The following CERS6 variants were observed in gnomAD, a reference collection of about 807,000 sequenced individuals.
CERS6 encodes LAG1 homolog, ceramide synthase 6.
In CERS6, 26 loss-of-function variants were observed where a neutral mutation model predicts 56.8. The observed-to-expected ratio is 0.46, with a 90% CI of 0.34 to 0.63. The LOEUF is 0.63. Among genes scored for constraint, CERS6 ranks in the 30% least tolerant of loss-of-function variants. The probability of loss-of-function intolerance (pLI) is 0.01; values close to 1 mark genes in which losing one functional copy is unlikely to be tolerated. For missense variants in CERS6, 415 were observed against 467.5 expected (o/e 0.89, Z 1.04); for synonymous variants, 164 against 173.3 (o/e 0.95, Z 0.42).
At chr2:168,715,182 C>T (rs1687197722) in intron 7 of CERS6, 53 bp downstream of exon 7, 2 of 1,540,550 alleles carry the variant, frequency 1.3e-6, no homozygotes, top group South Asian at 2.4e-5. Flanking sequence ...TTAGGAAGTC[C>T]CCAATCTCAT....
intron 3 of CERS6, among the ~76,000 whole-genome samples, chr2:168,592,292 T>C (rs1448661974): frequency 1.3e-5 from 2 of 152,100 alleles, no homozygotes; most frequent in Non-Finnish European, 2.9e-5. Context: ...GGAAAGACTC[T>C]TCCAGCTGTG....
At chr2:168,657,798 C>T (rs1208981489) in intron 4 of CERS6, among the ~76,000 whole-genome samples, 1 of 152,236 alleles carries the variant, frequency 6.6e-6, no homozygotes, top group Admixed American at 6.5e-5. Flanking sequence ...CGCACGCAGC[C>T]CCGGTTCCCG....
intron 2 of CERS6, among the ~76,000 whole-genome samples, 157 bp downstream of exon 2, chr2:168,547,858 G>A (rs745319962): frequency 1.3e-5 from 2 of 152,166 alleles, no homozygotes; most frequent in Non-Finnish European, 2.9e-5. Context: ...TAGTAGAAGC[G>A]GAATGAAGAT....
chr2:168,484,683 G>A lies in CERS6; in HGVS notation c.170+28065G>A, dbSNP rs138738354. Among the ~76,000 whole-genome samples, 1,351 of 152,234 alleles carry A rather than the reference G, an allele frequency of 8.9e-3. 14 individuals are homozygous for A. Among genetic ancestry groups the A allele is most frequent in the Middle Eastern group, 0.017 (5 of 294 alleles). On this transcript the variant is annotated intron_variant, in intron 1 of 9. Transcript: ENST00000305747. ...AATTTATGCTCACTTGTGTTTTAAC[G>A]TAAGTATGTATGGGTTTTTTTCCCT...
At chr2:168,536,494 C>T (rs979109208) in intron 1 of CERS6, among the ~76,000 whole-genome samples, 1 of 152,118 alleles carries the variant, frequency 6.6e-6, no homozygotes, top group African/African-American at 2.4e-5. Flanking sequence ...ATATATTAAT[C>T]TGCTTCACTA....
At chr2:168,467,821 T>C (rs1322521755) in intron 1 of CERS6, among the ~76,000 whole-genome samples, 2 of 152,146 alleles carry the variant, frequency 1.3e-5, no homozygotes, top group Admixed American at 1.3e-4. Flanking sequence ...GCTTGAGAAA[T>C]ACTGTTCTGT....
intron 8 of CERS6, among the ~76,000 whole-genome samples, chr2:168,722,038 G>A (rs1683189713): frequency 6.6e-6 from 1 of 152,080 alleles, no homozygotes; most frequent in African/African-American, 2.4e-5. Flanking sequence ...ATTCATTTTA[G>A]TGAGTATTAA....
At chr2:168,755,165 G>A (rs1208181612) in intron 8 of CERS6, among the ~76,000 whole-genome samples, 1 of 152,226 alleles carries the variant, frequency 6.6e-6, no homozygotes, top group Non-Finnish European at 1.5e-5. Flanking sequence ...TCTGTCTTGT[G>A]ACCTTGGATA....
rs367897359 is a variant in CERS6, at chr2:168,561,722, G to A, written c.407+400G>A. ...TATTAGGATATATTATCAGAGGGTCGTGACAATCTTCTGTATTCCTGGAGA... is the reference window on the plus strand; with the variant it reads ...TATTAGGATATATTATCAGAGGGTCATGACAATCTTCTGTATTCCTGGAGA... On this transcript the variant is annotated intron_variant, in intron 3 of 9. Coordinates refer to ENST00000305747, the MANE Select transcript of CERS6 (RefSeq NM_203463.3). Among the ~76,000 whole-genome samples, 10 of 152,226 alleles carry A rather than the reference G, an allele frequency of 6.6e-5. No homozygotes were observed. The East Asian group carries it at 1.3e-3, about 21-fold the overall frequency.
chr2:168,461,509 A>G (rs1440289686), intron 1 of CERS6, among the ~76,000 whole-genome samples: 1 of 151,068 alleles, frequency 6.6e-6, no homozygotes, highest in African/African-American at 2.4e-5. Context: ...ATAGCTTCTC[A>G]TAGTTTCTGA....
chr2:168,698,436 G>A (rs1686722670), intron 6 of CERS6, among the ~76,000 whole-genome samples: 1 of 152,030 alleles, frequency 6.6e-6, no homozygotes. Flanking sequence ...GGAGAAGCAA[G>A]GCATGTCTTA....
At position 168,757,357 on chromosome 2, in the gene CERS6, G is replaced by GAAA. The variant is rs11332737; in HGVS notation, c.846-8220_846-8218dup. Among the ~76,000 whole-genome samples, 619 of 113,164 alleles carry GAAA rather than the reference G, an allele frequency of 5.5e-3. 4 individuals carry two copies. Among genetic ancestry groups the GAAA allele is most frequent in the Admixed American group, 8.6e-3 (93 of 10,840 alleles). The allele number at this position is 113,164 out of a possible 152,430, so 74.2% of individuals were successfully genotyped here. ...AATAGGGCAGCAACTACTTTTGGAGGAAAAAAAAAAAAAAAAACATCTGCC... is the reference window on the plus strand; with the variant it reads ...AATAGGGCAGCAACTACTTTTGGAGGAAAAAAAAAAAAAAAAAAAACATCTGCC... On this transcript the variant is annotated intron_variant, in intron 8 of 9. Coordinates refer to ENST00000305747, the MANE Select transcript of CERS6 (RefSeq NM_203463.3).
At chr2:168,716,900 A>C (rs1051575595) in intron 7 of CERS6, among the ~76,000 whole-genome samples, 1 of 152,152 alleles carries the variant, frequency 6.6e-6, no homozygotes. Flanking sequence ...TAATGTCAAC[A>C]ATCTTTTCAA....
In CERS6 at chr2:168,757,277, G is replaced by T. The variant is rs114798880; in HGVS notation, c.846-8315G>T. Among the ~76,000 whole-genome samples, 826 of 151,602 alleles carry T rather than the reference G, an allele frequency of 5.4e-3. 2 individuals carry two copies. Among genetic ancestry groups the T allele is most frequent in the Middle Eastern group, 0.017 (5 of 294 alleles). ...GGACTCAGATTGGGAGGTCAGGAGC[G>T]TAGGTAAGTAGACCAGGCAGTGGCA... On this transcript the variant is annotated intron_variant, in intron 8 of 9. Coordinates refer to ENST00000305747, the MANE Select transcript of CERS6 (RefSeq NM_203463.3).
chr2:168,517,710 A>G (rs909020710), intron 1 of CERS6, among the ~76,000 whole-genome samples: 1 of 152,050 alleles, frequency 6.6e-6, no homozygotes, highest in African/African-American at 2.4e-5. Context: ...ATCTTTTTTA[A>G]CTTAAAAATC....
chr2:168,599,299 G>A (rs1683877567), intron 3 of CERS6, among the ~76,000 whole-genome samples: 1 of 152,054 alleles, frequency 6.6e-6, no homozygotes. Flanking sequence ...TCCTTCCAGG[G>A]ACATCTAAAA....
chr2:168,619,996 G>T (rs562458190), intron 3 of CERS6, among the ~76,000 whole-genome samples: 3 of 130,938 alleles, frequency 2.3e-5, no homozygotes, highest in Admixed American at 1.6e-4. Context: ...TGGGCATTTG[G>T]GCTGGTTCCA....
intron 1 of CERS6, among the ~76,000 whole-genome samples, chr2:168,462,961 A>G (rs936329715): frequency 1.3e-5 from 2 of 152,234 alleles, no homozygotes; most frequent in Non-Finnish European, 2.9e-5. Context: ...ATTTTGAATG[A>G]CTGCCATTTT....
chr2:168,507,687 A>G (rs552743484), intron 1 of CERS6, among the ~76,000 whole-genome samples: 4 of 152,176 alleles, frequency 2.6e-5, no homozygotes, highest in East Asian at 3.9e-4. Context: ...TCCTTATCAA[A>G]TCTCTCTCCA....
Sources: allele counts gnomAD v4.1 joint callset (sites outside exome capture counted in the v4.1 genomes callset), GRCh38; gene constraint gnomAD v4.1.1; transcripts MANE v1.5; gene names NCBI Gene and HGNC (gene_info 2026-07-23, HGNC 2026-07-21).